Variants in CDH13 observed in about 807,000 individuals in gnomAD.
The protein encoded by CDH13 is cadherin 13.
Under a neutral mutation model 63.8 loss-of-function variants are expected in CDH13, and 24 were observed. The observed-to-expected ratio is 0.38, with a 90% CI of 0.27 to 0.53. CDH13 has a LOEUF of 0.53. Ranked by LOEUF, CDH13 falls within the 20% of genes least tolerant of loss-of-function variation. The pLI, the probability that CDH13 is intolerant of heterozygous loss-of-function variation, is 0.85. For missense variants in CDH13, 1,049 were observed against 903.1 expected, an observed-to-expected ratio of 1.16 and a Z score of -2.07; for synonymous variants, 503 against 355.3, an observed-to-expected ratio of 1.42 and a Z score of -4.67.
intron 10 of CDH13, among the ~76,000 whole-genome samples, chr16:83,726,902 A>G (rs1910473700): frequency 6.6e-6 from 1 of 151,678 alleles, no homozygotes; most frequent in South Asian, 2.1e-4. Flanking sequence ...TCTGAAGACT[A>G]TCGAGGGAGG....
At chr16:83,221,143 C>G (rs550639811) in intron 5 of CDH13, among the ~76,000 whole-genome samples, 1 of 152,320 alleles carries the variant, frequency 6.6e-6, no homozygotes, top group East Asian at 1.9e-4. Flanking sequence ...AACACTCTTC[C>G]TATTTTATCC....
chr16:83,371,761 G>A (rs557068502), intron 6 of CDH13, among the ~76,000 whole-genome samples: 1 of 152,240 alleles, frequency 6.6e-6, no homozygotes, highest in East Asian at 1.9e-4. Flanking sequence ...AAAGACAAAC[G>A]GAACTCAGAG....
intron 4 of CDH13, among the ~76,000 whole-genome samples, chr16:83,135,032 T>C (rs774369381): frequency 3.9e-5 from 6 of 152,210 alleles, no homozygotes; most frequent in Non-Finnish European, 8.8e-5. Flanking sequence ...GGACCAGGCA[T>C]TTCAGCTTGA....
chr16:83,038,444 G>C (rs1309702600), intron 3 of CDH13, among the ~76,000 whole-genome samples: 1 of 152,188 alleles, frequency 6.6e-6, no homozygotes, highest in Non-Finnish European at 1.5e-5. Flanking sequence ...TTAATTCCAA[G>C]TCTTTTGACA....
intron 9 of CDH13, 114 bp downstream of exon 9, chr16:83,671,086 C>A: frequency 1.1e-6 from 1 of 891,540 alleles, no homozygotes. Flanking sequence ...CCAGTCTCCT[C>A]CTTCTGGGAA....
At chr16:83,246,050 C>G (rs929521839) in intron 5 of CDH13, among the ~76,000 whole-genome samples, 1 of 152,144 alleles carries the variant, frequency 6.6e-6, no homozygotes, top group Admixed American at 6.5e-5. Flanking sequence ...ATTCCTATTT[C>G]TTGTTTGACC....
intron 4 of CDH13, among the ~76,000 whole-genome samples, chr16:83,138,115 G>T (rs1311707531): frequency 2.0e-5 from 3 of 152,120 alleles, no homozygotes; most frequent in Non-Finnish European, 2.9e-5. Context: ...CATTAAAGAT[G>T]TTGCTGTCTT....
intron 3 of CDH13, among the ~76,000 whole-genome samples, chr16:83,087,646 C>T (rs1230934113): frequency 1.7e-5 from 2 of 116,396 alleles, no homozygotes; most frequent in African/African-American, 3.4e-5. Flanking sequence ...CCAGCCCGGG[C>T]GACGAAGCAA....
At chr16:82,784,503 C>T (rs138284797) in intron 1 of CDH13, among the ~76,000 whole-genome samples, 95 of 152,316 alleles carry the variant, frequency 6.2e-4, no homozygotes, top group African/African-American at 2.2e-3. Context: ...TATTGAGGGC[C>T]TGCTATGTGC....
rs35073492 is a variant in CDH13, at chr16:82,644,343, G to A, written c.45+17206G>A. 0.16 allele frequency among the ~76,000 whole-genome samples: 24,257 copies of A among 151,944 alleles called. 2,150 individuals carry two copies. The highest frequency in any genetic ancestry group is 0.3 in the South Asian group (1,464 of 4,806). On this transcript the variant is annotated intron_variant, in intron 1 of 13. Coordinates refer to ENST00000567109, the MANE Select transcript of CDH13 (RefSeq NM_001257.5). This position sits in a 1 kb window ranked among gnomAD's most constrained non-coding sequence, Gnocchi z 5.7. ...AACTCCTCCCACCCCTGCCTTCTGC[G>A]TCTCCCTCTGTGCTCTCCATCACCC...
At chr16:83,179,641 G>A (rs1356698039) in intron 4 of CDH13, among the ~76,000 whole-genome samples, 1 of 134,474 alleles carries the variant, frequency 7.4e-6, no homozygotes, top group Non-Finnish European at 1.6e-5. Flanking sequence ...TACAGAGCGA[G>A]ACTCTCTCTC....
chr16:82,661,280 G>C (rs1022394962), intron 1 of CDH13, among the ~76,000 whole-genome samples: 1 of 152,220 alleles, frequency 6.6e-6, no homozygotes, highest in Non-Finnish European at 1.5e-5. Context: ...GATTAGCTCT[G>C]ATCACAGCTT....
At chr16:83,701,236 G>C (rs1906173723) in intron 10 of CDH13, among the ~76,000 whole-genome samples, 1 of 152,208 alleles carries the variant, frequency 6.6e-6, no homozygotes, top group Admixed American at 6.5e-5. Context: ...GAAAAGATGA[G>C]AGACTCAGTG....
At position 83,795,632 on chromosome 16, in the gene CDH13, G is replaced by T. The variant is rs550960162; in HGVS notation, c.*602G>T. 1.3e-5 allele frequency: 2 copies of T among 152,326 alleles called. No individual in the cohort carries two copies. The highest frequency in any genetic ancestry group is 4.2e-4 in the South Asian group (2 of 4,816). 9.4% of individuals were successfully genotyped at this position (152,326 alleles called of 1,614,324 possible). On this transcript the variant is annotated 3_prime_UTR_variant, in exon 14 of 14. Transcript: ENST00000567109. ...TCTGAATGCTGCCACAACCAGCCAG[G>T]CAGGTCCACAGAGAGGGAGAGCAGA...
chr16:82,727,692 A>G (rs1196385489), intron 1 of CDH13: 2 of 152,222 alleles, frequency 1.3e-5, no homozygotes, highest in Non-Finnish European at 2.9e-5. Flanking sequence ...TTATATTGCT[A>G]GGACAAAAAA....
At chr16:83,313,653 A>AG (rs1186266984) in intron 5 of CDH13, among the ~76,000 whole-genome samples, 1 of 150,200 alleles carries the variant, frequency 6.7e-6, no homozygotes, top group Admixed American at 6.6e-5. Flanking sequence ...TAAAAAAAAA[A>AG]AAAAAAAAAA....
intron 6 of CDH13, among the ~76,000 whole-genome samples, chr16:83,419,370 G>A (rs2071647814): frequency 6.6e-6 from 1 of 152,150 alleles, no homozygotes; most frequent in Admixed American, 6.5e-5. Flanking sequence ...TACTATATGG[G>A]AGGCCCAATG....
chr16:83,121,220 C>G (rs2035559103), intron 3 of CDH13, among the ~76,000 whole-genome samples: 1 of 152,134 alleles, frequency 6.6e-6, no homozygotes, highest in Admixed American at 6.5e-5. Flanking sequence ...TAAAGTGTCT[C>G]TTACTTAGTC....
At chr16:82,957,851 G>A (rs548458799) in intron 2 of CDH13, among the ~76,000 whole-genome samples, 18 of 152,284 alleles carry the variant, frequency 1.2e-4, no homozygotes, top group African/African-American at 4.1e-4. Context: ...AACTTTTTCT[G>A]CTATGACCAG....
Sources: allele counts gnomAD v4.1 joint callset (sites outside exome capture counted in the v4.1 genomes callset), GRCh38; gene constraint gnomAD v4.1.1; non-coding constraint Gnocchi (gnomAD v3.1); transcripts MANE v1.5; gene names NCBI Gene and HGNC (gene_info 2026-07-23, HGNC 2026-07-21).